ASXL2: variants seen among roughly 807,000 people sequenced by gnomAD.
ASXL2 encodes the protein putative Polycomb group protein ASXL2.
In ASXL2, 23 loss-of-function variants were observed where a neutral mutation model predicts 122.0. The observed-to-expected ratio is 0.19, with a 90% CI of 0.14 to 0.27. The LOEUF (loss-of-function observed/expected upper bound fraction) is 0.27. ASXL2 is among the 10% of genes least tolerant of loss of function. ASXL2 has a pLI of 1.00. For synonymous variants in ASXL2, 650 were observed against 637.0 expected (o/e 1.02, Z -0.31); for missense variants, 1,518 against 1,713.8 (o/e 0.89, Z 2.02).
intron 5 of ASXL2, among the ~76,000 whole-genome samples, chr2:25,775,413 C>A (rs1436489939): frequency 6.6e-6 from 1 of 152,152 alleles, no homozygotes; most frequent in Non-Finnish European, 1.5e-5. Flanking sequence ...CAGGCACGAG[C>A]CACTTCGCTG....
At chr2:25,788,729 T>C (rs1559511625) in intron 5 of ASXL2, among the ~76,000 whole-genome samples, 1 of 152,202 alleles carries the variant, frequency 6.6e-6, no homozygotes, top group Middle Eastern at 3.2e-3. Flanking sequence ...CATTTTGATA[T>C]CTTCTTTGTG....
chr2:25,841,511 AC>A (rs1476872514), intron 2 of ASXL2, among the ~76,000 whole-genome samples: 3 of 151,930 alleles, frequency 2.0e-5, no homozygotes, highest in African/African-American at 4.8e-5. Flanking sequence ...ATGTTTTTTT[AC>A]CACCACAAAC....
At chr2:25,825,154 T>C (rs2089361720) in intron 3 of ASXL2, among the ~76,000 whole-genome samples, 1 of 152,220 alleles carries the variant, frequency 6.6e-6, no homozygotes, top group Non-Finnish European at 1.5e-5. Flanking sequence ...AAATGAACAT[T>C]AACCTTCCTG....
At chr2:25,870,885 T>C (rs1430610685) in intron 1 of ASXL2, among the ~76,000 whole-genome samples, 1 of 152,228 alleles carries the variant, frequency 6.6e-6, no homozygotes, top group African/African-American at 2.4e-5. Context: ...ATATTTTCAA[T>C]ATTTCAGTAT....
chr2:25,833,589 A>C (rs2089478034), intron 3 of ASXL2, among the ~76,000 whole-genome samples: 1 of 152,100 alleles, frequency 6.6e-6, no homozygotes, highest in Non-Finnish European at 1.5e-5. Context: ...TCAGTTACTC[A>C]GGTGGCTGAG....
chr2:25,839,614 C>CTT lies in ASXL2; in HGVS notation c.141-4076_141-4075dup, dbSNP rs35346359. Among the ~76,000 whole-genome samples the CTT allele has an allele frequency of 4.8e-3, 511 of 106,934 alleles. 6 individuals carry two copies. Among genetic ancestry groups the CTT allele is most frequent in the Middle Eastern group, 0.011 (2 of 182 alleles). 70.2% of individuals were successfully genotyped at this position (106,934 alleles called of 152,430 possible). Reference sequence around the variant, plus strand: ...CTATTACTCCTATGGGAAATTCTATCTTTTTTTTTTTTTTTTTTTTTTTAA... The same window carrying CTT: ...CTATTACTCCTATGGGAAATTCTATCTTTTTTTTTTTTTTTTTTTTTTTTTAA... On this transcript the variant is annotated intron_variant, in intron 2 of 12. Coordinates refer to ENST00000435504, the MANE Select transcript of ASXL2 (RefSeq NM_018263.6).
intron 1 of ASXL2, among the ~76,000 whole-genome samples, chr2:25,855,524 C>T (rs1258488679): frequency 1.3e-5 from 2 of 152,094 alleles, no homozygotes; most frequent in African/African-American, 2.4e-5. Context: ...CAAAAATGAG[C>T]TGGGTGTGGT....
Position 25,750,155 on chromosome 2 carries a change from T to A in ASXL2, c.1401A>T (p.Ser467=). ...TGCTAAGCTCATGTGTATTGAGAGCTGAGGAAAGCAGGGGCTCTGAAGATG... is the reference window on the plus strand; with the variant it reads ...TGCTAAGCTCATGTGTATTGAGAGCAGAGGAAAGCAGGGGCTCTGAAGATG... ...FSTSSEPLLS[S]ALNTHELSSI... is the part of the protein sequence containing the mutation. The change falls in exon 12 of 13, where the codon TCA becomes TCT. Residue 467 remains serine, a synonymous_variant. Transcript: ENST00000435504. 1.2e-6 allele frequency: 2 copies of A among 1,614,022 alleles called. No homozygotes were observed. Among genetic ancestry groups the A allele is most frequent in the South Asian group, 2.2e-5 (2 of 91,088 alleles).
At chr2:25,822,996 C>T in intron 3 of ASXL2, 1 of 509,112 alleles carries the variant, frequency 2.0e-6, no homozygotes, top group South Asian at 1.5e-5. Context: ...AATAACTTCT[C>T]TGCAAGATTT....
rs1041799812 is a variant in ASXL2 at position 25,739,179 on chromosome 2, C to T, written c.*2850G>A. 6.5e-6 allele frequency: 1 copy of T among 153,178 alleles called. No individual in the cohort carries two copies. The highest frequency in any genetic ancestry group is 6.5e-5 in the Admixed American group (1 of 15,306). 9.5% of individuals were successfully genotyped at this position (153,178 alleles called of 1,614,324 possible). Reference sequence around the variant, plus strand: ...GCATCAGGCATAATGCCTGACTAGTCACTGGAAATAATGCCAGGTCATACC... The same window carrying T: ...GCATCAGGCATAATGCCTGACTAGTTACTGGAAATAATGCCAGGTCATACC... On this transcript the variant is annotated 3_prime_UTR_variant, in exon 13 of 13. Transcript: ENST00000435504.
Position 25,750,123 on chromosome 2 carries a change from A to G in ASXL2, c.1433T>C (p.Leu478Pro), listed in dbSNP as rs754414800. Residue 478 changes from leucine to proline, a missense_variant, in exon 12 of 13, where the codon CTT becomes CCT. Transcript: ENST00000435504. The part of the protein sequence containing the change: ...ALNTHELSSI[L>P]PIKCPKDEDL... ...CTCATCCTTTGGGCACTTGATGGGAAGAATGCTGCTAAGCTCATGTGTATT... is the reference window on the plus strand; with the variant it reads ...CTCATCCTTTGGGCACTTGATGGGAGGAATGCTGCTAAGCTCATGTGTATT... The G allele has an allele frequency of 6.2e-7, 1 of 1,613,994 alleles. No individual in the cohort carries two copies. The highest frequency in any genetic ancestry group is 8.5e-7 in the Non-Finnish European group (1 of 1,179,902).
At chr2:25,874,642 C>A (rs2089996518) in intron 1 of ASXL2, among the ~76,000 whole-genome samples, 1 of 152,024 alleles carries the variant, frequency 6.6e-6, no homozygotes, top group South Asian at 2.1e-4. Flanking sequence ...CAAAGTGAGA[C>A]CCTGGTTCAA....
In ASXL2 at chr2:25,742,167, C is replaced by T. The variant is rs751309437; in HGVS notation, c.4170G>A (p.Glu1390=). ...QTIPVQAFSE[E]NSIEGTPSKC... is the part of the protein sequence containing the mutation. Reference sequence around the variant, plus strand: ...TCGAAGGCGTGCCCTCTATGCTGTTCTCTTCGGAGAACGCCTGAACAGGAA... The same window carrying T: ...TCGAAGGCGTGCCCTCTATGCTGTTTTCTTCGGAGAACGCCTGAACAGGAA... The change falls in exon 13 of 13, where the codon GAG becomes GAA. Residue 1390 remains glutamate, a synonymous_variant. Coordinates refer to ENST00000435504, the MANE Select transcript of ASXL2 (RefSeq NM_018263.6). The T allele has an allele frequency of 2.2e-5, 35 of 1,613,942 alleles. No homozygotes were observed. Among genetic ancestry groups the T allele is most frequent in the Non-Finnish European group, 2.7e-5 (32 of 1,179,922 alleles).
intron 8 of ASXL2, among the ~76,000 whole-genome samples, chr2:25,767,119 T>C (rs1318091315): frequency 6.6e-6 from 1 of 152,214 alleles, no homozygotes. Context: ...TTCTATATTA[T>C]CATTTCAGTG....
chr2:25,782,916 T>A (rs1432492378), intron 5 of ASXL2, among the ~76,000 whole-genome samples: 2 of 152,074 alleles, frequency 1.3e-5, no homozygotes, highest in African/African-American at 4.8e-5. Flanking sequence ...TCACTTGAGG[T>A]CAGGAGCTTG....
rs767188722 is a variant in ASXL2 at position 25,750,307 on chromosome 2, C to T, written c.1249G>A (p.Ala417Thr). ...EQPKSMPVSE[A>T]SLIRIVPVVS... ...ACTGGAACTATTCTGATAAGAGAGG[C>T]CTCTGACACAGGCATGGATTTTGGT... The change falls in exon 12 of 13, where the codon GCC becomes ACC. Residue 417 changes from alanine to threonine, a missense_variant. Physicochemically the swap from Ala to Thr is moderately conservative, Grantham distance 58. This residue lies in a region of ASXL2 where 292 missense variants were observed against 293.5 expected (regional missense o/e 1.00). Transcript: ENST00000435504. 6.2e-7 allele frequency: 1 copy of T among 1,613,976 alleles called. No homozygotes were observed.
chr2:25,866,168 G>C (rs1212656366), intron 1 of ASXL2, among the ~76,000 whole-genome samples: 1 of 142,662 alleles, frequency 7.0e-6, no homozygotes, highest in Admixed American at 7.4e-5. Context: ...GTCTCGCTCT[G>C]TCGCAAGGCT....
intron 3 of ASXL2, among the ~76,000 whole-genome samples, chr2:25,834,539 T>C (rs1213755424): frequency 6.6e-6 from 1 of 152,200 alleles, no homozygotes; most frequent in African/African-American, 2.4e-5. Context: ...CTTAATGGAC[T>C]ACAAATATAA....
At chr2:25,749,240 C>T (rs2087994463) in intron 12 of ASXL2, among the ~76,000 whole-genome samples, 1 of 152,282 alleles carries the variant, frequency 6.6e-6, no homozygotes, top group South Asian at 2.1e-4. Context: ...ACTCTTCCAC[C>T]CTGGGATTGT....
Sources: allele counts gnomAD v4.1 joint callset (sites outside exome capture counted in the v4.1 genomes callset), GRCh38; gene constraint gnomAD v4.1.1; regional missense constraint gnomAD v4.1.1; transcripts MANE v1.5; gene names NCBI Gene and HGNC (gene_info 2026-07-23, HGNC 2026-07-21).